Variants in ARSB observed in about 807,000 individuals in gnomAD.
ARSB encodes N-acetylgalactosamine-4-sulfatase.
ARSB carries 41 observed loss-of-function variants against 50.9 expected under a neutral mutation model. That is an observed-to-expected ratio of 0.81 (90% CI 0.63 to 1.04). The LOEUF (loss-of-function observed/expected upper bound fraction) is 1.04. Ranked by LOEUF, ARSB falls within the 50% of genes least tolerant of loss-of-function variation. The pLI is 0.00. For missense variants in ARSB, 672 were observed against 693.3 expected, an observed-to-expected ratio of 0.97 and a Z score of 0.35; for synonymous variants, 269 against 284.8, an observed-to-expected ratio of 0.94 and a Z score of 0.56.
chr5:78,971,290 C>T (rs927485834), intron 1 of ARSB, among the ~76,000 whole-genome samples: 2 of 152,118 alleles, frequency 1.3e-5, no homozygotes, highest in Admixed American at 1.3e-4. Context: ...CCTGGCTTAG[C>T]CAGGGAGATG....
At chr5:78,782,244 C>A (rs1030768831) in intron 6 of ARSB, among the ~76,000 whole-genome samples, 3 of 152,222 alleles carry the variant, frequency 2.0e-5, no homozygotes, top group African/African-American at 7.2e-5. Context: ...TGCCAATGTA[C>A]AGCTAGCCAT....
rs556329043 is a variant in ARSB, at chr5:78,785,088, G to A, written c.1214-3114C>T. 3.3e-5 allele frequency among the ~76,000 whole-genome samples: 5 copies of A among 152,238 alleles called. No homozygotes were observed. In the South Asian group the frequency reaches 8.3e-4, roughly 25 times the overall value. Reference sequence around the variant, plus strand: ...GCTGGGATTACAGGCGTGAGTCACCGCACCTGGCCTGATTTTATTGGTCTT... The same window carrying A: ...GCTGGGATTACAGGCGTGAGTCACCACACCTGGCCTGATTTTATTGGTCTT... On this transcript the variant is annotated intron_variant, in intron 6 of 7. Coordinates refer to ENST00000264914, the MANE Select transcript of ARSB (RefSeq NM_000046.5).
rs535493472 is a variant in ARSB, at chr5:78,985,152, CCAA to C, written c.94_96del (p.Leu32del). 188 of 1,455,000 alleles carry C rather than the reference CCAA, an allele frequency of 1.3e-4. No homozygotes were observed. The highest frequency in any genetic ancestry group is 1.6e-4 in the Non-Finnish European group (176 of 1,102,524). 90.1% of individuals were successfully genotyped at this position (1,455,000 alleles called of 1,614,324 possible). A position where few individuals can be genotyped will look rare whatever the true frequency, so the allele number is the denominator to read the frequency against. ...GCCCCGGCGCCCGAGCCCGGCGGCG[CCAA>C]CAACAGCAGCAGCAGCAGCGGGAGG... On this transcript the variant is annotated inframe_deletion, in exon 1 of 8. Coordinates refer to ENST00000264914, the MANE Select transcript of ARSB (RefSeq NM_000046.5).
At chr5:78,916,006 G>T (rs1262387270) in intron 4 of ARSB, among the ~76,000 whole-genome samples, 1 of 152,116 alleles carries the variant, frequency 6.6e-6, no homozygotes, top group African/African-American at 2.4e-5. Flanking sequence ...CTTCATTAAT[G>T]CTCTGAGATT....
rs113601316 is a variant in ARSB at position 78,880,985 on chromosome 5, G to A, written c.1142+4599C>T. ...AATGGCTCACACCTGTAATTCCAGC[G>A]CTTTGGGAGGCCAAGGCAGGTGGAT... On this transcript the variant is annotated intron_variant, in intron 5 of 7. Coordinates refer to ENST00000264914, the MANE Select transcript of ARSB (RefSeq NM_000046.5). Among the ~76,000 whole-genome samples the A allele has an allele frequency of 2.6e-5, 4 of 152,120 alleles. No individual in the cohort carries two copies. The East Asian group carries it at 7.7e-4, about 29-fold the overall frequency.
At chr5:78,944,217 G>A (rs896109861) in intron 4 of ARSB, among the ~76,000 whole-genome samples, 17 of 152,132 alleles carry the variant, frequency 1.1e-4, no homozygotes, top group Non-Finnish European at 2.1e-4. Flanking sequence ...CTTGCCATGG[G>A]TTCGAACTTC....
In ARSB at chr5:78,895,660, G is replaced by A. The variant is rs376007547; in HGVS notation, c.899-9833C>T. Among the ~76,000 whole-genome samples, 62 of 152,316 alleles carry A rather than the reference G, an allele frequency of 4.1e-4. No homozygotes were observed. In the East Asian group the frequency reaches 7.9e-3, roughly 19 times the overall value. On this transcript the variant is annotated intron_variant, in intron 4 of 7. Coordinates refer to ENST00000264914, the MANE Select transcript of ARSB (RefSeq NM_000046.5). ...ACAGGCTAAGCAGTATGCCTCATGT[G>A]CCCTGCATCTCCACTGGAATGATGT... is the stretch of plus-strand genomic sequence containing the variant.
intron 5 of ARSB, among the ~76,000 whole-genome samples, chr5:78,872,815 TTA>T (rs1491388075): frequency 7.8e-5 from 6 of 77,050 alleles, no homozygotes; most frequent in Admixed American, 4.9e-4. Context: ...TAAAGTATAA[TTA>T]AAAAAAAAAA....
intron 6 of ARSB, among the ~76,000 whole-genome samples, chr5:78,785,566 GT>G (rs61647612): frequency 0.26 from 38,881 of 152,072 alleles, 6,889 homozygotes; most frequent in African/African-American, 0.5. Context: ...AGATAGCTCA[GT>G]TTTTAGCTGT....
chr5:78,881,136 A>C (rs1228442784), intron 5 of ARSB, among the ~76,000 whole-genome samples: 3 of 152,110 alleles, frequency 2.0e-5, no homozygotes, highest in Non-Finnish European at 2.9e-5. Context: ...GGAAGCTGAG[A>C]CATGAGAACC....
At chr5:78,908,786 G>A (rs1749178759) in intron 4 of ARSB, among the ~76,000 whole-genome samples, 1 of 139,522 alleles carries the variant, frequency 7.2e-6, no homozygotes, top group African/African-American at 2.7e-5. Context: ...CCTGACTTAT[G>A]AATCCAGCAA....
intron 4 of ARSB, among the ~76,000 whole-genome samples, chr5:78,941,676 T>C (rs1007991404): frequency 5.9e-5 from 9 of 151,946 alleles, no homozygotes; most frequent in African/African-American, 9.7e-5. Context: ...CTGCTGGATT[T>C]GGTTTGCCAG....
At chr5:78,840,207 A>G (rs1169746356) in intron 5 of ARSB, among the ~76,000 whole-genome samples, 6 of 152,138 alleles carry the variant, frequency 3.9e-5, no homozygotes, top group Admixed American at 2.6e-4. Flanking sequence ...AGCCTTACAG[A>G]AGTAGCTAAA....
chr5:78,868,846 C>G (rs1212163985), intron 5 of ARSB, among the ~76,000 whole-genome samples: 1 of 149,806 alleles, frequency 6.7e-6, no homozygotes, highest in Admixed American at 6.6e-5. Flanking sequence ...CTAAATGCTA[C>G]AATTAAAAGA....
intron 5 of ARSB, among the ~76,000 whole-genome samples, chr5:78,844,985 C>T (rs559124541): frequency 3.4e-4 from 52 of 152,192 alleles, no homozygotes; most frequent in Admixed American, 6.5e-4. Flanking sequence ...CTTATTCCTC[C>T]TATTTAATTG....
intron 1 of ARSB, among the ~76,000 whole-genome samples, chr5:78,979,791 C>A (rs1407614613): frequency 6.6e-6 from 1 of 152,194 alleles, no homozygotes. Flanking sequence ...GCGTTTCACT[C>A]CTACATATTA....
At chr5:78,851,830 C>G (rs1745808681) in intron 5 of ARSB, among the ~76,000 whole-genome samples, 1 of 151,998 alleles carries the variant, frequency 6.6e-6, no homozygotes, top group Non-Finnish European at 1.5e-5. Context: ...TTCTTTGTCT[C>G]TTTTGATCTT....
At chr5:78,906,388 G>A (rs1341033963) in intron 4 of ARSB, among the ~76,000 whole-genome samples, 1 of 152,056 alleles carries the variant, frequency 6.6e-6, no homozygotes, top group Non-Finnish European at 1.5e-5. Flanking sequence ...ATATTCTTGA[G>A]CAAGAGCCCA....
chr5:78,831,726 A>G (rs1017041588), intron 6 of ARSB, among the ~76,000 whole-genome samples: 2 of 152,286 alleles, frequency 1.3e-5, no homozygotes, highest in Admixed American at 6.5e-5. Flanking sequence ...AGAGTGAACA[A>G]ACTGCCAAGG....
Sources: gnomAD v4.1 joint callset for allele counts (sites outside exome capture counted in the v4.1 genomes callset) on GRCh38, gnomAD v4.1.1 for gene constraint, MANE v1.5 for transcripts, NCBI Gene and HGNC (gene_info 2026-07-23, HGNC 2026-07-21) for gene names.